Variants in TMEM132D observed in about 807,000 individuals in gnomAD.
TMEM132D encodes the protein transmembrane protein 132D.
In TMEM132D, 21 loss-of-function variants were observed where a neutral mutation model predicts 62.3. The ratio of observed to expected loss-of-function variants is 0.34; its 90% confidence interval spans 0.24 to 0.49. The LOEUF is 0.49. TMEM132D is among the 20% of genes least tolerant of loss of function. The pLI, the probability that TMEM132D is intolerant of heterozygous loss-of-function variation, is 0.99. For missense variants in TMEM132D, 1,346 were observed against 1,402.8 expected, an observed-to-expected ratio of 0.96 and a Z score of 0.65; for synonymous variants, 621 against 575.6, an observed-to-expected ratio of 1.08 and a Z score of -1.13.
intron 3 of TMEM132D, among the ~76,000 whole-genome samples, chr12:129,485,067 C>T (rs748981094): frequency 6.6e-6 from 1 of 152,160 alleles, no homozygotes; most frequent in Non-Finnish European, 1.5e-5. Context: ...CTTGCAGGTG[C>T]AAGCACTGAA....
At chr12:129,107,143 C>T (rs1875526965) in intron 5 of TMEM132D, among the ~76,000 whole-genome samples, 1 of 152,134 alleles carries the variant, frequency 6.6e-6, no homozygotes, top group Admixed American at 6.5e-5. Flanking sequence ...TGTGCAAGAG[C>T]TCTAATAGGA....
At chr12:129,602,058 G>A (rs1332545803) in intron 2 of TMEM132D, among the ~76,000 whole-genome samples, 1 of 152,064 alleles carries the variant, frequency 6.6e-6, no homozygotes, top group Non-Finnish European at 1.5e-5. Context: ...TGATTTATTT[G>A]TCTTTCTCAT....
At chr12:129,747,152 C>T (rs1000607223) in intron 1 of TMEM132D, among the ~76,000 whole-genome samples, 1 of 129,086 alleles carries the variant, frequency 7.7e-6, no homozygotes, top group Admixed American at 7.7e-5. Context: ...TGAGCCCATC[C>T]GGTTCCCGTC....
intron 2 of TMEM132D, among the ~76,000 whole-genome samples, chr12:129,592,542 G>A (rs1431180614): frequency 2.0e-5 from 3 of 152,178 alleles, no homozygotes; most frequent in African/African-American, 7.2e-5. Flanking sequence ...AATACTTTTT[G>A]TGGCATGATA....
chr12:129,124,973 G>A (rs1287804120), intron 5 of TMEM132D, among the ~76,000 whole-genome samples: 1 of 152,076 alleles, frequency 6.6e-6, no homozygotes, highest in South Asian at 2.1e-4. Context: ...ACAATTAAGC[G>A]ACTGCCTCTG....
chr12:129,653,945 G>C (rs1879998260), intron 2 of TMEM132D, among the ~76,000 whole-genome samples: 1 of 152,080 alleles, frequency 6.6e-6, no homozygotes, highest in African/African-American at 2.4e-5. Flanking sequence ...AGGTTACATT[G>C]AGTCTTCCTA....
At chr12:129,674,696 C>T (rs948952211) in intron 2 of TMEM132D, among the ~76,000 whole-genome samples, 5 of 152,144 alleles carry the variant, frequency 3.3e-5, no homozygotes, top group African/African-American at 1.2e-4. Context: ...CACACCACCA[C>T]ACCTGGCTAA....
chr12:129,762,744 A>C (rs7132793), intron 1 of TMEM132D, among the ~76,000 whole-genome samples: 147,496 of 152,152 alleles, frequency 0.97, 71,657 homozygotes, highest in Middle Eastern at 1. Flanking sequence ...TACAAATCAA[A>C]GGGTTTATCC....
chr12:129,481,016 C>G (rs1279076386), intron 3 of TMEM132D, among the ~76,000 whole-genome samples: 1 of 152,028 alleles, frequency 6.6e-6, no homozygotes, highest in African/African-American at 2.4e-5. Flanking sequence ...CTAGAAGCAA[C>G]TAACCTGAAA....
chr12:129,263,076 C>T (rs898889208), intron 4 of TMEM132D, among the ~76,000 whole-genome samples: 5 of 152,130 alleles, frequency 3.3e-5, no homozygotes, highest in Non-Finnish European at 5.9e-5. Context: ...GCAGGGTTAC[C>T]GTGGGCTGGC....
intron 3 of TMEM132D, among the ~76,000 whole-genome samples, chr12:129,431,530 A>G (rs544181477): frequency 6.6e-6 from 1 of 152,264 alleles, no homozygotes; most frequent in Admixed American, 6.5e-5. Flanking sequence ...ACAAAAGTAG[A>G]TCCAGGTTCT....
chr12:129,532,824 T>C (rs1451843577), intron 2 of TMEM132D, among the ~76,000 whole-genome samples: 5 of 152,212 alleles, frequency 3.3e-5, no homozygotes, highest in African/African-American at 1.2e-4. Flanking sequence ...GGCAGTGCTG[T>C]CCCAGCCATA....
chr12:129,515,458 G>A (rs1279166126), intron 3 of TMEM132D, among the ~76,000 whole-genome samples: 2 of 152,182 alleles, frequency 1.3e-5, no homozygotes, highest in Admixed American at 6.5e-5. Flanking sequence ...AAATCTTAGA[G>A]TGACTTCTAT....
At chr12:129,596,510 A>C (rs576200528) in intron 2 of TMEM132D, among the ~76,000 whole-genome samples, 1 of 151,888 alleles carries the variant, frequency 6.6e-6, no homozygotes, top group African/African-American at 2.4e-5. Context: ...AAATCTGTGG[A>C]CACCAAAATC....
rs61249450 is a variant in TMEM132D, at chr12:129,311,066, C to T, written c.1299+26568G>A. Among the ~76,000 whole-genome samples, 5 of 105,250 alleles carry T rather than the reference C, an allele frequency of 4.8e-5. 1 individual carries two copies. The highest frequency in any genetic ancestry group is 2.3e-4 in the African/African-American group (5 of 22,132). The allele number at this position is 105,250 out of a possible 152,430, so 69.0% of individuals were successfully genotyped here. A position where few individuals can be genotyped will look rare whatever the true frequency, so the allele number is the denominator to read the frequency against. On this transcript the variant is annotated intron_variant, in intron 4 of 8. Coordinates refer to ENST00000422113, the MANE Select transcript of TMEM132D (RefSeq NM_133448.3). ...ACAAAAAATTAGCCGGGCGTGGTAG[C>T]GGGCGCCTGTAGTCCCAGCTACTCG...
At chr12:129,303,818 G>A (rs1881777173) in intron 4 of TMEM132D, among the ~76,000 whole-genome samples, 1 of 151,694 alleles carries the variant, frequency 6.6e-6, no homozygotes, top group Non-Finnish European at 1.5e-5. Context: ...CCTGAGAACT[G>A]TGGGTGGGTG....
intron 2 of TMEM132D, among the ~76,000 whole-genome samples, chr12:129,538,475 C>T (rs1011609066): frequency 1.3e-5 from 2 of 152,176 alleles, no homozygotes; most frequent in Non-Finnish European, 2.9e-5. Flanking sequence ...AGTAGTCCCA[C>T]TCTATCCTTG....
intron 2 of TMEM132D, among the ~76,000 whole-genome samples, chr12:129,541,666 C>T (rs752908374): frequency 2.6e-5 from 4 of 152,156 alleles, no homozygotes; most frequent in Admixed American, 6.5e-5. Context: ...TGGGATGTGG[C>T]GGCCTCATTC....
rs550411696 is a variant in TMEM132D at position 129,449,941 on chromosome 12, T to C, written c.1115+81118A>G. 2.6e-5 allele frequency among the ~76,000 whole-genome samples: 4 copies of C among 152,058 alleles called. 1 individual carries two copies. In the South Asian group the frequency reaches 8.3e-4, roughly 31 times the overall value. On this transcript the variant is annotated intron_variant, in intron 3 of 8. Transcript: ENST00000422113. The stretch of plus-strand genomic sequence containing the variant: ...AATTTTGACTCTAAAAGAGTTTCAT[T>C]GTGGTTTTGATCTGCATTTCTCTAA...
Sources: allele counts gnomAD v4.1 joint callset (sites outside exome capture counted in the v4.1 genomes callset), GRCh38; gene constraint gnomAD v4.1.1; transcripts MANE v1.5; gene names NCBI Gene and HGNC (gene_info 2026-07-23, HGNC 2026-07-21).